The following CLGN variants were observed in gnomAD, a reference collection of about 807,000 sequenced individuals.
The protein encoded by CLGN is testis tissue sperm-binding protein Li 79P.
In CLGN, 62 loss-of-function variants were observed where a neutral mutation model predicts 79.1. The ratio of observed to expected loss-of-function variants is 0.78; its 90% CI spans 0.64 to 0.97. The LOEUF (loss-of-function observed/expected upper bound fraction) is 0.97. CLGN is among the 50% of genes least tolerant of loss of function. The probability of loss-of-function intolerance (pLI) is 0.00; values close to 1 mark genes in which losing one functional copy is unlikely to be tolerated. For synonymous variants in CLGN, 225 were observed against 224.7 expected, an observed-to-expected ratio of 1.00 and a Z score of -0.01; for missense variants, 647 against 715.5, an observed-to-expected ratio of 0.90 and a Z score of 1.09.
chr4:140,392,328 T>C lies in CLGN; in HGVS notation c.1542A>G (p.Gln514=), dbSNP rs2126613643. The change falls in exon 13 of 15, where the codon CAA becomes CAG. Residue 514 remains glutamine (Q), a synonymous_variant. Coordinates refer to ENST00000325617, the MANE Select transcript of CLGN (RefSeq NM_004362.3). ...CTTCTTGCTCTAGTACTCCTTTTGTTTGTGGTATACATATGTCGGTTTTTT... is the reference window on the plus strand; with the variant it reads ...CTTCTTGCTCTAGTACTCCTTTTGTCTGTGGTATACATATGTCGGTTTTTT... ...EYKKTDICIP[Q]TKGVLEQEEK... 6.2e-7 allele frequency: 1 copy of C among 1,613,326 alleles called. No homozygotes were observed. The highest frequency in any genetic ancestry group is 8.5e-7 in the Non-Finnish European group (1 of 1,179,470).
At chr4:140,412,249 A>T (rs1348379633) in intron 2 of CLGN, among the ~76,000 whole-genome samples, 1 of 152,184 alleles carries the variant, frequency 6.6e-6, no homozygotes, top group Non-Finnish European at 1.5e-5. Context: ...TAACAACTAC[A>T]TATTATTCCC....
chr4:140,398,693 T>C (rs1285683658), intron 8 of CLGN, among the ~76,000 whole-genome samples, 158 bp downstream of exon 8: 1 of 152,082 alleles, frequency 6.6e-6, no homozygotes, highest in East Asian at 1.9e-4. Context: ...GGGAGGGAAG[T>C]GTAAAATCCA....
chr4:140,390,299 A>G (rs866840012), intron 14 of CLGN, among the ~76,000 whole-genome samples: 12 of 151,800 alleles, frequency 7.9e-5, no homozygotes, highest in Admixed American at 1.3e-4. Flanking sequence ...AATAATGATA[A>G]TTATCTTTTA....
intron 1 of CLGN, among the ~76,000 whole-genome samples, chr4:140,421,521 T>C (rs1193676698): frequency 6.6e-5 from 10 of 152,082 alleles, no homozygotes; most frequent in Non-Finnish European, 1.0e-4. Context: ...CGTAGTATCA[T>C]ATTGTGGTTT....
intron 8 of CLGN, among the ~76,000 whole-genome samples, chr4:140,398,638 T>TG (rs1728938926): frequency 6.6e-6 from 1 of 151,738 alleles, no homozygotes; most frequent in South Asian, 2.1e-4. Context: ...AAATATATAT[T>TG]AAAAAATGCA....
chr4:140,424,184 G>A (rs1729520406), intron 1 of CLGN, among the ~76,000 whole-genome samples: 1 of 152,020 alleles, frequency 6.6e-6, no homozygotes, highest in Admixed American at 6.5e-5. Flanking sequence ...TGCTTTCACT[G>A]TATCCCATAA....
chr4:140,422,723 C>G (rs141017323), intron 1 of CLGN, among the ~76,000 whole-genome samples: 5 of 152,236 alleles, frequency 3.3e-5, no homozygotes, highest in African/African-American at 4.8e-5. Flanking sequence ...CTCAGGTGAT[C>G]CTCCACTTCA....
At chr4:140,406,908 T>C (rs1030050792) in intron 4 of CLGN, among the ~76,000 whole-genome samples, 4 of 152,338 alleles carry the variant, frequency 2.6e-5, no homozygotes, top group African/African-American at 9.6e-5. Flanking sequence ...TATTGCCTAT[T>C]CCAAGAAAAT....
At chr4:140,394,491 C>G (rs1728833407) in intron 10 of CLGN, among the ~76,000 whole-genome samples, 2 of 152,184 alleles carry the variant, frequency 1.3e-5, no homozygotes, top group African/African-American at 2.4e-5. Context: ...ACTACTCAAC[C>G]TAAAACTTCC....
intron 5 of CLGN, among the ~76,000 whole-genome samples, chr4:140,404,246 A>T (rs573905273): frequency 1.1e-4 from 16 of 152,064 alleles, no homozygotes; most frequent in African/African-American, 2.9e-4. Flanking sequence ...GGCGCCTGCC[A>T]CCACACCCGG....
intron 7 of CLGN, 43 bp from the exon 8 acceptor site, chr4:140,399,083 T>C: frequency 1.3e-6 from 2 of 1,491,574 alleles, no homozygotes; most frequent in Non-Finnish European, 1.8e-6. Context: ...CATTTTGATA[T>C]ACGCTTTAAA....
At chr4:140,412,505 T>C (rs924401538) in intron 2 of CLGN, among the ~76,000 whole-genome samples, 2 of 151,442 alleles carry the variant, frequency 1.3e-5, no homozygotes, top group Admixed American at 6.6e-5. Context: ...TCACCCTCAC[T>C]TCCTTTTCTA....
intron 5 of CLGN, 108 bp from the exon 6 acceptor site, chr4:140,402,174 A>G (rs1213821756): frequency 3.5e-6 from 2 of 564,896 alleles, no homozygotes; most frequent in African/African-American, 2.0e-5. Context: ...ATTTTTTTAC[A>G]TTATCAGAAA....
intron 10 of CLGN, among the ~76,000 whole-genome samples, chr4:140,395,161 TTTTTTG>T (rs1728848926): frequency 6.6e-6 from 1 of 150,970 alleles, no homozygotes; most frequent in Non-Finnish European, 1.5e-5. Context: ...GTTTTTTTGT[TTTTTTG>T]TTTTGAGTCT....
In CLGN at chr4:140,399,420, T is replaced by A. The variant is rs1277154433; in HGVS notation, c.695-380A>T. On this transcript the variant is annotated intron_variant, in intron 7 of 14. Transcript: ENST00000325617. Reference sequence around the variant, plus strand: ...AAAGTGTTGTAAGTATAACAAAAAATTAATTTATTCTGTTCTAGTAATATT... The same window carrying A: ...AAAGTGTTGTAAGTATAACAAAAAAATAATTTATTCTGTTCTAGTAATATT... Among the ~76,000 whole-genome samples, 7 of 152,228 alleles carry A rather than the reference T, an allele frequency of 4.6e-5. No homozygotes were observed. The East Asian group carries it at 1.2e-3, about 25-fold the overall frequency.
intron 9 of CLGN, 53 bp from the exon 10 acceptor site, chr4:140,396,022 A>T: frequency 6.2e-7 from 1 of 1,610,116 alleles, no homozygotes; most frequent in Non-Finnish European, 8.5e-7. Context: ...CAGATCAGTC[A>T]TATAAACTAG....
chr4:140,401,418 C>T (rs763733711), intron 6 of CLGN, among the ~76,000 whole-genome samples: 1 of 151,928 alleles, frequency 6.6e-6, no homozygotes, highest in Non-Finnish European at 1.5e-5. Context: ...AAAAATATAC[C>T]CCTGATGTCT....
intron 3 of CLGN, among the ~76,000 whole-genome samples, chr4:140,410,337 C>T (rs1028198428): frequency 2.6e-5 from 4 of 151,920 alleles, no homozygotes; most frequent in African/African-American, 9.7e-5. Flanking sequence ...TTCATCTTTG[C>T]ATTCGGAATT....
intron 5 of CLGN, 61 bp downstream of exon 5, chr4:140,405,881 T>G: frequency 2.0e-6 from 3 of 1,515,952 alleles, no homozygotes; most frequent in Non-Finnish European, 2.7e-6. Flanking sequence ...ACAAGCTATA[T>G]TCAGAAGCCA....
Sources: allele counts gnomAD v4.1 joint callset (sites outside exome capture counted in the v4.1 genomes callset), GRCh38; gene constraint gnomAD v4.1.1; transcripts MANE v1.5; gene names NCBI Gene and HGNC (gene_info 2026-07-23, HGNC 2026-07-21).